The following MYO9A variants were observed in gnomAD, a reference collection of about 807,000 sequenced individuals.
MYO9A encodes myosin IXA, also known as unconventional myosin-IXa.
A neutral mutation model predicts 293.3 loss-of-function variants in MYO9A; 103 were observed. The ratio of observed to expected loss-of-function variants is 0.35; its 90% CI spans 0.30 to 0.41. The LOEUF is 0.41. Among genes scored for constraint, MYO9A ranks in the 10% least tolerant of loss-of-function variants. MYO9A has a pLI of 1.00. For synonymous variants in MYO9A, 1,001 were observed against 1,035.7 expected (o/e 0.97, Z 0.64); for missense variants, 2,685 against 3,033.0 (o/e 0.89, Z 2.69).
At chr15:71,974,187 A>G (rs553900556) in intron 12 of MYO9A, among the ~76,000 whole-genome samples, 5 of 152,302 alleles carry the variant, frequency 3.3e-5, no homozygotes, top group Admixed American at 6.5e-5. Flanking sequence ...CGAGAAACAC[A>G]TTGTACAGCC....
chr15:71,878,740 ATTT>A (rs200866619), intron 30 of MYO9A, among the ~76,000 whole-genome samples: 7 of 108,644 alleles, frequency 6.4e-5, no homozygotes, highest in Admixed American at 2.3e-4. Flanking sequence ...GAGATCTGGA[ATTT>A]TTTTTTTTTT....
intron 18 of MYO9A, among the ~76,000 whole-genome samples, chr15:71,928,333 TCCCAA>T (rs2058383706): frequency 6.6e-6 from 1 of 151,526 alleles, no homozygotes; most frequent in South Asian, 2.1e-4. Context: ...CGCCTCGGCC[TCCCAA>T]AGTGCTGTCT....
Position 72,078,693 on chromosome 15 carries a change from G to A in MYO9A, c.-71-32059C>T, listed in dbSNP as rs9920204. ...TAAAAACCTGCACATGGATGTTTAC[G>A]GTAGCTTTATTTATGATTGTCAGAA... On this transcript the variant is annotated intron_variant, in intron 1 of 41. Transcript: ENST00000356056. Among the ~76,000 whole-genome samples, 871 of 152,150 alleles carry A rather than the reference G, an allele frequency of 5.7e-3. 10 individuals are homozygous for A. Among genetic ancestry groups the A allele is most frequent in the African/African-American group, 0.02 (822 of 41,508 alleles).
intron 15 of MYO9A, among the ~76,000 whole-genome samples, chr15:71,939,869 T>C (rs1458072207): frequency 6.6e-6 from 1 of 152,174 alleles, no homozygotes; most frequent in Admixed American, 6.5e-5. Flanking sequence ...CAGAAAATCC[T>C]ATGGAATAAT....
At chr15:71,968,593 T>A (rs1316634732) in intron 12 of MYO9A, among the ~76,000 whole-genome samples, 3 of 152,208 alleles carry the variant, frequency 2.0e-5, no homozygotes, top group Non-Finnish European at 4.4e-5. Context: ...ATTTTCTTAC[T>A]ATACCAATTA....
intron 1 of MYO9A, among the ~76,000 whole-genome samples, chr15:72,078,528 C>A (rs2079441501): frequency 6.6e-6 from 1 of 151,028 alleles, no homozygotes; most frequent in Non-Finnish European, 1.5e-5. Context: ...AACCTGCAGA[C>A]AGAAATCAGA....
intron 39 of MYO9A, among the ~76,000 whole-genome samples, chr15:71,839,497 C>T (rs1386335606): frequency 6.6e-6 from 1 of 152,106 alleles, no homozygotes; most frequent in Non-Finnish European, 1.5e-5. Flanking sequence ...CAGCCTTGAA[C>T]TCCTGGGCTC....
At chr15:72,103,776 T>C (rs1326983597) in intron 1 of MYO9A, among the ~76,000 whole-genome samples, 2 of 152,208 alleles carry the variant, frequency 1.3e-5, no homozygotes, top group Non-Finnish European at 2.9e-5. Flanking sequence ...GAAAACTATA[T>C]TGTTTAAGGA....
intron 1 of MYO9A, among the ~76,000 whole-genome samples, chr15:72,063,798 C>T (rs533041605): frequency 6.6e-6 from 1 of 152,296 alleles, no homozygotes; most frequent in South Asian, 2.1e-4. Context: ...AAATTAACTG[C>T]TAGGTATATA....
chr15:72,111,072 T>C (rs1159440456), intron 1 of MYO9A, among the ~76,000 whole-genome samples: 1 of 150,026 alleles, frequency 6.7e-6, no homozygotes, highest in African/African-American at 2.5e-5. Context: ...GGCAGGAGAA[T>C]GGCGTGAACC....
intron 33 of MYO9A, 46 bp from the exon 34 acceptor site, chr15:71,859,842 C>CAGTGAT (rs1469292703): frequency 1.3e-6 from 2 of 1,507,514 alleles, no homozygotes; most frequent in Non-Finnish European, 1.8e-6. Context: ...GTCTGTACAT[C>CAGTGAT]AGTGATAATA....
chr15:71,998,862 AATG>A (rs1292210279), intron 9 of MYO9A, among the ~76,000 whole-genome samples: 1 of 152,108 alleles, frequency 6.6e-6, no homozygotes, highest in Non-Finnish European at 1.5e-5. Context: ...GTTTACTGAG[AATG>A]ATGATTTCCA....
At chr15:72,082,047 T>A (rs1258267383) in intron 1 of MYO9A, among the ~76,000 whole-genome samples, 1 of 152,096 alleles carries the variant, frequency 6.6e-6, no homozygotes, top group Non-Finnish European at 1.5e-5. Context: ...TTTTTAAATA[T>A]TTTTTTCTAG....
chr15:71,887,852 G>A, intron 27 of MYO9A, 152 bp downstream of exon 27: 1 of 457,478 alleles, frequency 2.2e-6, no homozygotes, highest in Non-Finnish European at 3.8e-6. Flanking sequence ...ATAAACAGTA[G>A]GTACTTACCA....
intron 1 of MYO9A, among the ~76,000 whole-genome samples, chr15:72,108,167 T>C (rs527938179): frequency 6.6e-6 from 1 of 152,308 alleles, no homozygotes; most frequent in African/African-American, 2.4e-5. Context: ...CCACAGATTA[T>C]TGTACATAAC....
At chr15:72,059,655 T>C (rs1190023860) in intron 1 of MYO9A, among the ~76,000 whole-genome samples, 37 of 152,206 alleles carry the variant, frequency 2.4e-4, no homozygotes, top group Admixed American at 2.4e-3. Context: ...TTTCTGAACA[T>C]TGAGATATCC....
At chr15:71,900,078 ATAAATTTCTTATGTCATAATTACAGG>A in intron 23 of MYO9A, 72 bp from the exon 24 acceptor site, 1 of 1,381,350 alleles carries the variant, frequency 7.2e-7, no homozygotes, top group African/African-American at 1.5e-5. Context: ...AAAAAAGAGA[ATAAATTTCTTATGTCATAATTACAGG>A]TTAAGTGGCT....
chr15:71,941,342 G>A (rs144565546), intron 15 of MYO9A, among the ~76,000 whole-genome samples: 2,349 of 152,204 alleles, frequency 0.015, 39 homozygotes, highest in Non-Finnish European at 0.023. Context: ...GGCTGAGGGA[G>A]GAGAATCGCT....
At chr15:71,988,658 A>G (rs2148295426) in intron 11 of MYO9A, among the ~76,000 whole-genome samples, 1 of 152,240 alleles carries the variant, frequency 6.6e-6, no homozygotes, top group Middle Eastern at 3.4e-3. Flanking sequence ...TGATGATATA[A>G]AGATCTTTTC....
Sources: allele counts gnomAD v4.1 joint callset (sites outside exome capture counted in the v4.1 genomes callset), GRCh38; gene constraint gnomAD v4.1.1; transcripts MANE v1.5; gene names NCBI Gene and HGNC (gene_info 2026-07-23, HGNC 2026-07-21).